The following MAOB variants were observed in gnomAD, a reference collection of about 807,000 sequenced individuals.
The protein encoded by MAOB is amine oxidase [flavin-containing] B.
A neutral mutation model predicts 41.9 loss-of-function variants in MAOB; 15 were observed. The ratio of observed to expected loss-of-function variants is 0.36; its 90% CI spans 0.24 to 0.55. The LOEUF (loss-of-function observed/expected upper bound fraction) is 0.55, where lower values mean the gene tolerates loss of function less well. Among genes scored for constraint, MAOB ranks in the 20% least tolerant of loss-of-function variants. The probability of loss-of-function intolerance (pLI) is 0.86; values close to 1 mark genes in which losing one functional copy is unlikely to be tolerated. For synonymous variants in MAOB, 167 were observed against 144.2 expected (o/e 1.16, Z -1.13); for missense variants, 345 against 398.7 (o/e 0.87, Z 1.15).
At chrX:43,780,107 G>T (rs112375452) in intron 10 of MAOB, among the ~76,000 whole-genome samples, 1,652 of 111,338 alleles carry the variant, frequency 0.015, 46 homozygotes, top group African/African-American at 0.05. Context: ...TGAATACTTT[G>T]GTTCTTAAGT....
At chrX:43,822,891 C>CCAT (rs1054089488) in intron 3 of MAOB, among the ~76,000 whole-genome samples, 2 of 110,754 alleles carry the variant, frequency 1.8e-5, no homozygotes, top group East Asian at 2.8e-4. Flanking sequence ...ACCACCATCA[C>CCAT]CATCATCATC....
At chrX:43,850,426 A>G (rs1376893941) in intron 1 of MAOB, 1 of 748,431 alleles carries the variant, frequency 1.3e-6, no homozygotes, top group African/African-American at 2.3e-5. Flanking sequence ...GGGCATCTCT[A>G]CTGAACTACA....
rs745863923 is a variant in MAOB at position 43,788,447 on chromosome X, C to A, written c.928+4972G>T. Among the ~76,000 whole-genome samples, 128 of 111,916 alleles carry A rather than the reference C, an allele frequency of 1.1e-3. 1 individual carries two copies. Among genetic ancestry groups the A allele is most frequent in the Non-Finnish European group, 1.9e-3 (102 of 53,165 alleles). On this transcript the variant is annotated intron_variant, in intron 8 of 14. Transcript: ENST00000378069. Reference sequence around the variant, plus strand: ...CTAACAAAAATTTCACAGGTCTACCCAAATCAATTGACTTGATAATTCCAT... The same window carrying A: ...CTAACAAAAATTTCACAGGTCTACCAAAATCAATTGACTTGATAATTCCAT...
chrX:43,781,428 A>C lies in MAOB; in HGVS notation c.1025+20T>G. 1 of 1,040,630 alleles carries C rather than the reference A, an allele frequency of 9.6e-7. No homozygotes were observed. Among genetic ancestry groups the C allele is most frequent in the Non-Finnish European group, 1.3e-6 (1 of 765,360 alleles). The allele number at this position is 1,040,630 out of a possible 1,213,427, so 85.8% of individuals were successfully genotyped here. A position where few individuals can be genotyped will look rare whatever the true frequency, so the allele number is the denominator to read the frequency against. On this transcript the variant is annotated intron_variant, in intron 9 of 14. Coordinates refer to ENST00000378069, the MANE Select transcript of MAOB (RefSeq NM_000898.5). Reference sequence around the variant, plus strand: ...TTGTCAACACTGAATAGCAGCCACAACACCATAATTGTGCCTTACCCCATT... The same window carrying C: ...TTGTCAACACTGAATAGCAGCCACACCACCATAATTGTGCCTTACCCCATT...
chrX:43,810,976 A>G (rs2034739629), intron 3 of MAOB, among the ~76,000 whole-genome samples: 1 of 112,316 alleles, frequency 8.9e-6, no homozygotes, highest in Non-Finnish European at 1.9e-5. Context: ...AATTCCTAGC[A>G]TAAGAATTCC....
At chrX:43,858,724 T>C (rs751851889) in intron 1 of MAOB, among the ~76,000 whole-genome samples, 50 of 110,946 alleles carry the variant, frequency 4.5e-4, no homozygotes, top group Non-Finnish European at 7.7e-4. Context: ...AGAGTTTGCA[T>C]CTAAATGCGC....
At chrX:43,808,742 C>T (rs1440046684) in intron 3 of MAOB, among the ~76,000 whole-genome samples, 1 of 107,458 alleles carries the variant, frequency 9.3e-6, no homozygotes, top group East Asian at 3.1e-4. Context: ...TCTTGCTCTG[C>T]TGCCCAGGCT....
chrX:43,798,889 G>A (rs2034560048), intron 5 of MAOB, among the ~76,000 whole-genome samples: 1 of 111,484 alleles, frequency 9.0e-6, no homozygotes, highest in African/African-American at 3.3e-5. Flanking sequence ...CAGTTCACAT[G>A]CTAGAAAACG....
chrX:43,798,302 G>T (rs1384868213), intron 5 of MAOB, among the ~76,000 whole-genome samples: 1 of 112,094 alleles, frequency 8.9e-6, no homozygotes, highest in East Asian at 2.8e-4. Context: ...ATTACTTGTT[G>T]CATGATTGAA....
chrX:43,804,120 C>T (rs1014054754), intron 3 of MAOB, among the ~76,000 whole-genome samples: 1 of 111,061 alleles, frequency 9.0e-6, no homozygotes, highest in African/African-American at 3.3e-5. Context: ...CAAAAAAACC[C>T]ACTTTGGGTC....
chrX:43,818,795 G>A (rs2283729), intron 3 of MAOB, among the ~76,000 whole-genome samples: 32,040 of 110,582 alleles, frequency 0.29, 3,636 homozygotes, highest in Middle Eastern at 0.42. Context: ...CACTGAAGAA[G>A]CGGAAATTAA....
In MAOB at chrX:43,793,710, A is replaced by G. The variant is rs773704851; in HGVS notation, c.769-132T>C. 76 of 516,813 alleles carry G rather than the reference A, an allele frequency of 1.5e-4. 1 individual carries two copies. Among genetic ancestry groups the G allele is most frequent in the Admixed American group, 6.1e-4 (14 of 22,795 alleles). The allele number at this position is 516,813 out of a possible 1,213,427, so 42.6% of individuals were successfully genotyped here. On this transcript the variant is annotated intron_variant, in intron 7 of 14. Coordinates refer to ENST00000378069, the MANE Select transcript of MAOB (RefSeq NM_000898.5). ...AGTGACAAGGATTTTGTCGAAACCT[A>G]AAGTAGCCCTTATTGTTCCTTAGTT... is the stretch of plus-strand genomic sequence containing the variant.
chrX:43,794,012 G>A (rs2034496233), intron 7 of MAOB, among the ~76,000 whole-genome samples: 1 of 111,919 alleles, frequency 8.9e-6, no homozygotes, highest in Non-Finnish European at 1.9e-5. Flanking sequence ...GAGTAGCTGG[G>A]ACTACAGGTG....
At chrX:43,880,575 C>G (rs753177561) in intron 1 of MAOB, among the ~76,000 whole-genome samples, 4 of 112,621 alleles carry the variant, frequency 3.6e-5, no homozygotes, top group Non-Finnish European at 7.5e-5. Context: ...AGAACAATGC[C>G]TATTCCGTGG....
At chrX:43,802,360 A>AGG in intron 4 of MAOB, 97 bp from the exon 5 acceptor site, 1 of 588,495 alleles carries the variant, frequency 1.7e-6, no homozygotes, top group South Asian at 3.0e-5. Context: ...AACTATTCAA[A>AGG]TAGTATTAAA....
Position 43,767,446 on chromosome X carries a change from A to G in MAOB, c.*20T>C. 5.0e-6 allele frequency: 6 copies of G among 1,194,221 alleles called. No individual in the cohort carries two copies. The highest frequency in any genetic ancestry group is 5.7e-6 in the Non-Finnish European group (5 of 883,455). The stretch of plus-strand genomic sequence containing the variant: ...CCAAATACAGTAAGAAGAGAGTGTG[A>G]TTACAGACACCCTCTCTCTTTAGAC... On this transcript the variant is annotated 3_prime_UTR_variant, in exon 15 of 15. Transcript: ENST00000378069.
At chrX:43,821,609 G>A (rs767673197) in intron 3 of MAOB, among the ~76,000 whole-genome samples, 1 of 111,589 alleles carries the variant, frequency 9.0e-6, no homozygotes, top group South Asian at 3.8e-4. Context: ...AGAGAGGGAG[G>A]GAGAAATTGA....
At chrX:43,828,675 G>A (rs369573856) in intron 3 of MAOB, among the ~76,000 whole-genome samples, 32 of 111,562 alleles carry the variant, frequency 2.9e-4, no homozygotes, top group African/African-American at 9.8e-4. Context: ...CTGCTCTTAA[G>A]TATAATCTCT....
At chrX:43,798,123 T>C (rs1475314892) in intron 5 of MAOB, among the ~76,000 whole-genome samples, 1 of 112,138 alleles carries the variant, frequency 8.9e-6, no homozygotes, top group Non-Finnish European at 1.9e-5. Context: ...ATAGTATCTT[T>C]ATAACTCTTT....
Sources: allele counts gnomAD v4.1 joint callset (sites outside exome capture counted in the v4.1 genomes callset), GRCh38; gene constraint gnomAD v4.1.1; transcripts MANE v1.5; gene names NCBI Gene and HGNC (gene_info 2026-07-23, HGNC 2026-07-21).